The following CSMD1 variants were observed in gnomAD, a reference collection of about 807,000 sequenced individuals.
The protein encoded by CSMD1 is CUB and Sushi multiple domains 1.
CSMD1 carries 213 observed loss-of-function variants against 417.5 expected under a neutral mutation model. The ratio of observed to expected loss-of-function variants is 0.51; its 90% confidence interval spans 0.46 to 0.57. CSMD1 has a LOEUF of 0.57. Among genes scored for constraint, CSMD1 ranks in the 20% least tolerant of loss-of-function variants. The pLI, the probability that CSMD1 is intolerant of heterozygous loss-of-function variation, is 0.00. For synonymous variants in CSMD1, 2,862 were observed against 1,736.8 expected, an observed-to-expected ratio of 1.65 and a Z score of -16.11; for missense variants, 6,923 against 4,529.7, an observed-to-expected ratio of 1.53 and a Z score of -15.17.
At chr8:3,685,279 G>C (rs982784532) in intron 7 of CSMD1, among the ~76,000 whole-genome samples, 1 of 152,122 alleles carries the variant, frequency 6.6e-6, no homozygotes, top group Non-Finnish European at 1.5e-5. Context: ...TACCCATTAC[G>C]TTGAGTTTAA....
At chr8:3,747,601 T>C (rs1047741750) in intron 6 of CSMD1, among the ~76,000 whole-genome samples, 1 of 152,168 alleles carries the variant, frequency 6.6e-6, no homozygotes, top group Non-Finnish European at 1.5e-5. Context: ...CTATGGTTAA[T>C]GAACATTTAG....
intron 3 of CSMD1, among the ~76,000 whole-genome samples, chr8:4,070,477 C>G (rs565098764): frequency 2.1e-4 from 32 of 152,152 alleles, no homozygotes; most frequent in Non-Finnish European, 4.3e-4. Flanking sequence ...CCCACCTCAG[C>G]CTCCCGAGTA....
chr8:4,097,251 G>A (rs17068954), intron 3 of CSMD1, among the ~76,000 whole-genome samples: 33,822 of 151,950 alleles, frequency 0.22, 4,676 homozygotes, highest in African/African-American at 0.38. Flanking sequence ...ACAAAGAACT[G>A]GAAATCAGAA....
At chr8:2,978,569 T>C in intron 55 of CSMD1, 43 bp downstream of exon 55, 1 of 1,478,440 alleles carries the variant, frequency 6.8e-7, no homozygotes, top group South Asian at 1.3e-5. Context: ...ATGGTGACCT[T>C]GCAGGGGTCT....
intron 7 of CSMD1, among the ~76,000 whole-genome samples, chr8:3,623,423 A>G (rs1188158414): frequency 6.6e-6 from 1 of 152,242 alleles, no homozygotes; most frequent in Non-Finnish European, 1.5e-5. Flanking sequence ...GAAAAGAAGT[A>G]TAAGCAACGA....
At chr8:4,714,844 C>T (rs1186650854) in intron 1 of CSMD1, among the ~76,000 whole-genome samples, 1 of 152,084 alleles carries the variant, frequency 6.6e-6, no homozygotes, top group East Asian at 1.9e-4. Context: ...TTCTTTTGCT[C>T]CAAATTCTTA....
chr8:4,095,966 A>G (rs902348010), intron 3 of CSMD1, among the ~76,000 whole-genome samples: 1 of 152,236 alleles, frequency 6.6e-6, no homozygotes, highest in Admixed American at 6.5e-5. Flanking sequence ...AAAGAAGGAC[A>G]AAATATTTCT....
chr8:4,107,377 C>G (rs949726909), intron 3 of CSMD1, among the ~76,000 whole-genome samples: 1 of 152,142 alleles, frequency 6.6e-6, no homozygotes, highest in African/African-American at 2.4e-5. Context: ...GGATAAAGTC[C>G]TCTCTATACA....
chr8:4,011,551 C>G (rs1816535620), intron 4 of CSMD1, among the ~76,000 whole-genome samples: 1 of 152,156 alleles, frequency 6.6e-6, no homozygotes, highest in African/African-American at 2.4e-5. Flanking sequence ...ACATGTCAGC[C>G]ACAGCCAGAA....
intron 5 of CSMD1, among the ~76,000 whole-genome samples, chr8:3,955,335 C>T (rs973485210): frequency 3.9e-5 from 6 of 152,264 alleles, no homozygotes; most frequent in Non-Finnish European, 5.9e-5. Flanking sequence ...CTCCATGTTA[C>T]GCCACAGAAA....
intron 5 of CSMD1, among the ~76,000 whole-genome samples, chr8:3,846,643 G>C (rs966472715): frequency 6.6e-6 from 1 of 152,040 alleles, no homozygotes; most frequent in African/African-American, 2.4e-5. Context: ...TATTTCTTTA[G>C]CCTAAGGATT....
intron 10 of CSMD1, among the ~76,000 whole-genome samples, chr8:3,502,406 C>T (rs1242775231): frequency 7.4e-5 from 11 of 148,428 alleles, no homozygotes; most frequent in African/African-American, 2.7e-4. Flanking sequence ...CAACAAACAA[C>T]TGCACATGTA....
In CSMD1 at chr8:4,319,252, G is replaced by T. The variant is rs571941206; in HGVS notation, c.415+100701C>A. On this transcript the variant is annotated intron_variant, in intron 3 of 69. Transcript: ENST00000635120. ...ATCCTGACAGTCATTTTTCCCTTTT[G>T]CTTTCCTTCAATTTATCTTAGTAAT... 8.5e-5 allele frequency among the ~76,000 whole-genome samples: 13 copies of T among 152,116 alleles called. No individual in the cohort carries two copies. The South Asian group carries it at 2.7e-3, about 32-fold the overall frequency.
At chr8:4,588,326 G>C (rs1378727475) in intron 2 of CSMD1, among the ~76,000 whole-genome samples, 2 of 145,630 alleles carry the variant, frequency 1.4e-5, no homozygotes, top group East Asian at 2.0e-4. Context: ...TCAGACCACA[G>C]TTTCAAATAC....
At chr8:3,817,178 C>A (rs1240118369) in intron 5 of CSMD1, among the ~76,000 whole-genome samples, 1 of 151,068 alleles carries the variant, frequency 6.6e-6, no homozygotes, top group African/African-American at 2.4e-5. Flanking sequence ...GACCCCTCCC[C>A]CTCCCCAATG....
intron 10 of CSMD1, among the ~76,000 whole-genome samples, chr8:3,533,798 G>A: frequency 6.6e-6 from 1 of 152,060 alleles, no homozygotes. Flanking sequence ...ACAAAACCTG[G>A]AAAACATGAA....
chr8:4,759,140 A>G (rs985056861), intron 1 of CSMD1, among the ~76,000 whole-genome samples: 6 of 152,196 alleles, frequency 3.9e-5, no homozygotes, highest in African/African-American at 1.4e-4. Flanking sequence ...GAACTTTGAC[A>G]CATTTGTAAA....
In CSMD1 at chr8:3,836,372, C is replaced by G. The variant is rs560258333; in HGVS notation, c.819-82330G>C. On this transcript the variant is annotated intron_variant, in intron 5 of 69. Transcript: ENST00000635120. ...GAACTAGCTATATCCTTGTGGGAATCCCAAGGGTCTAAATACAAAGATGTT... is the reference window on the plus strand; with the variant it reads ...GAACTAGCTATATCCTTGTGGGAATGCCAAGGGTCTAAATACAAAGATGTT... Among the ~76,000 whole-genome samples the G allele has an allele frequency of 3.9e-5, 6 of 152,184 alleles. No homozygotes were observed. The East Asian group carries it at 9.7e-4, about 25-fold the overall frequency.
At chr8:4,468,787 C>T (rs1285044122) in intron 2 of CSMD1, among the ~76,000 whole-genome samples, 5 of 152,120 alleles carry the variant, frequency 3.3e-5, no homozygotes, top group Non-Finnish European at 5.9e-5. Context: ...CTGTGTTTTT[C>T]ATATAATGGA....
Sources: gnomAD v4.1 joint callset for allele counts (sites outside exome capture counted in the v4.1 genomes callset) on GRCh38, gnomAD v4.1.1 for gene constraint, MANE v1.5 for transcripts, NCBI Gene and HGNC (gene_info 2026-07-23, HGNC 2026-07-21) for gene names.